LYPLAL1: variants seen among roughly 807,000 people sequenced by gnomAD.
LYPLAL1 encodes the protein lysophospholipase-like protein 1.
In LYPLAL1, 23 loss-of-function variants were observed where a neutral mutation model predicts 19.7. The ratio of observed to expected loss-of-function variants is 1.17; its 90% CI spans 0.84 to 1.65. The LOEUF (loss-of-function observed/expected upper bound fraction) is 1.65. Ranked by LOEUF, LYPLAL1 falls within the 40% of genes most tolerant of loss-of-function variation. The pLI, the probability that LYPLAL1 is intolerant of heterozygous loss-of-function variation, is 0.00. For synonymous variants in LYPLAL1, 119 were observed against 96.3 expected (o/e 1.24, Z -1.38); for missense variants, 355 against 279.4 (o/e 1.27, Z -1.93).
At chr1:219,391,165 A>G in the LYPLAL1 span, among the ~76,000 whole-genome samples, 2 of 152,164 alleles carry the variant, frequency 1.3e-5, no homozygotes, top group East Asian at 1.9e-4. Flanking sequence ...TGGCAAAAGC[A>G]TATTATTTGC....
chr1:219,275,647 A>T, the LYPLAL1 span, among the ~76,000 whole-genome samples: 1 of 152,182 alleles, frequency 6.6e-6, no homozygotes, highest in African/African-American at 2.4e-5. Context: ...ACAAGAATGT[A>T]CTATTAAGGT....
the LYPLAL1 span, among the ~76,000 whole-genome samples, chr1:219,339,656 A>G: frequency 3.4e-4 from 52 of 152,194 alleles, no homozygotes; most frequent in African/African-American, 5.5e-4. Context: ...TATCACTTGC[A>G]TTTATTCCCA....
chr1:219,246,613 G>A, the LYPLAL1 span, among the ~76,000 whole-genome samples: 27 of 152,270 alleles, frequency 1.8e-4, no homozygotes, highest in African/African-American at 6.3e-4. Flanking sequence ...TGGAGACAGG[G>A]TCTCACCCTG....
intron 2 of LYPLAL1, among the ~76,000 whole-genome samples, chr1:219,192,576 T>C (rs1433777487): frequency 1.3e-5 from 2 of 151,694 alleles, no homozygotes; most frequent in African/African-American, 4.8e-5. Context: ...TCTCTGTGTT[T>C]ATCTAATATA....
chr1:219,269,507 C>G, the LYPLAL1 span, among the ~76,000 whole-genome samples: 1 of 152,152 alleles, frequency 6.6e-6, no homozygotes, highest in African/African-American at 2.4e-5. Context: ...AGGCAGGGAC[C>G]AAAAATCTGA....
intron 3 of LYPLAL1, among the ~76,000 whole-genome samples, chr1:219,203,717 A>G (rs944747892): frequency 2.0e-4 from 31 of 152,182 alleles, no homozygotes; most frequent in African/African-American, 6.8e-4. Context: ...TCCTAGTATC[A>G]TTGAATTATA....
the LYPLAL1 span, among the ~76,000 whole-genome samples, chr1:219,308,215 T>C: frequency 6.6e-6 from 1 of 152,092 alleles, no homozygotes; most frequent in Non-Finnish European, 1.5e-5. Context: ...GGGTATCTAG[T>C]GGAAGAAATT....
At chr1:219,382,876 T>A in the LYPLAL1 span, among the ~76,000 whole-genome samples, 5 of 152,056 alleles carry the variant, frequency 3.3e-5, no homozygotes, top group African/African-American at 9.6e-5. Context: ...GTTTTTTTTT[T>A]CAAAAAATAT....
the LYPLAL1 span, among the ~76,000 whole-genome samples, chr1:219,322,922 T>C: frequency 2.6e-5 from 4 of 152,234 alleles, no homozygotes; most frequent in Admixed American, 2.6e-4. Context: ...AGCGATGCTT[T>C]TCCCTTTGTT....
the LYPLAL1 span, among the ~76,000 whole-genome samples, chr1:219,321,782 G>A: frequency 6.6e-6 from 1 of 152,108 alleles, no homozygotes; most frequent in African/African-American, 2.4e-5. Context: ...TAAAAGTTAA[G>A]ATTTGTTTCA....
At chr1:219,276,219 C>G in the LYPLAL1 span, among the ~76,000 whole-genome samples, 8 of 152,222 alleles carry the variant, frequency 5.3e-5, no homozygotes, top group African/African-American at 1.9e-4. Context: ...GTCTTGGACT[C>G]TTTTGGTGAC....
the LYPLAL1 span, among the ~76,000 whole-genome samples, chr1:219,373,708 T>C: frequency 0.28 from 42,344 of 152,028 alleles, 6,222 homozygotes; most frequent in East Asian, 0.5. Flanking sequence ...TTGAATGGTT[T>C]AAGCATCTGG....
the LYPLAL1 span, among the ~76,000 whole-genome samples, chr1:219,443,582 G>A: frequency 6.6e-6 from 1 of 151,806 alleles, no homozygotes; most frequent in East Asian, 1.9e-4. Context: ...TTGGAAACTG[G>A]AACTTCAAGT....
the LYPLAL1 span, among the ~76,000 whole-genome samples, chr1:219,242,415 G>T: frequency 1.8e-4 from 27 of 152,318 alleles, no homozygotes; most frequent in African/African-American, 5.5e-4. Context: ...GGGTCATGGA[G>T]AATGATGAAC....
the LYPLAL1 span, among the ~76,000 whole-genome samples, chr1:219,375,781 G>C: frequency 7.1e-6 from 1 of 140,448 alleles, no homozygotes; most frequent in African/African-American, 2.6e-5. Flanking sequence ...TCGCTCTGTC[G>C]TCCAGGCTGG....
the LYPLAL1 span, among the ~76,000 whole-genome samples, chr1:219,432,445 G>A: frequency 6.6e-6 from 1 of 152,128 alleles, no homozygotes; most frequent in African/African-American, 2.4e-5. Flanking sequence ...TCAGACTAGG[G>A]GTGGGAGGAA....
chr1:219,358,833 T>C, the LYPLAL1 span, among the ~76,000 whole-genome samples: 2 of 148,530 alleles, frequency 1.3e-5, no homozygotes, highest in South Asian at 2.1e-4. Context: ...CGTGTGTGTG[T>C]GCGTGTGTGT....
chr1:219,429,365 G>T, the LYPLAL1 span, among the ~76,000 whole-genome samples: 2 of 152,172 alleles, frequency 1.3e-5, no homozygotes, highest in Admixed American at 6.5e-5. Context: ...GACAGTCGGG[G>T]TGAGAATTCC....
chr1:219,387,343 A>T, the LYPLAL1 span, among the ~76,000 whole-genome samples: 17 of 152,332 alleles, frequency 1.1e-4, no homozygotes, highest in African/African-American at 3.8e-4. Context: ...GCCATAATTA[A>T]AAGGAAAGAA....
Sources: gnomAD v4.1 joint callset for allele counts (sites outside exome capture counted in the v4.1 genomes callset) on GRCh38, gnomAD v4.1.1 for gene constraint, MANE v1.5 for transcripts, NCBI Gene and HGNC (gene_info 2026-07-23, HGNC 2026-07-21) for gene names.